Variants in CFAP46 observed in about 807,000 individuals in gnomAD.
CFAP46 encodes the protein cilia and flagella associated protein 46, also known as cilia- and flagella-associated protein 46.
In CFAP46, 245 loss-of-function variants were observed where a neutral mutation model predicts 325.7. The ratio of observed to expected loss-of-function variants is 0.75; its 90% CI spans 0.68 to 0.84. The LOEUF (loss-of-function observed/expected upper bound fraction) is 0.84. Ranked by LOEUF, CFAP46 falls within the 40% of genes least tolerant of loss-of-function variation. CFAP46 has a pLI of 0.00. For missense variants in CFAP46, 3,346 were observed against 3,543.0 expected (o/e 0.94, Z 1.41); for synonymous variants, 1,523 against 1,495.9 (o/e 1.02, Z -0.42).
rs1444998949 is a variant in CFAP46 at position 132,877,966 on chromosome 10, T to C, written c.4127A>G (p.Glu1376Gly). The change falls in exon 30 of 58, where the codon GAG becomes GGG. Residue 1376 changes from glutamate to glycine, a missense_variant. Coordinates refer to ENST00000368586, the MANE Select transcript of CFAP46 (RefSeq NM_001200049.3). The surrounding 1 kb of genome is among the most constrained non-coding windows in gnomAD (Gnocchi z 5.7). ...ENERSKEKEK[E>G]RSKEKENERS... Reference sequence around the variant, plus strand: ...CTCATTCTCCTTCTCTTTACTCCTCTCCTTCTCCTTCTCTTTACTCCTCTC... The same window carrying C: ...CTCATTCTCCTTCTCTTTACTCCTCCCCTTCTCCTTCTCTTTACTCCTCTC... 1.4e-5 allele frequency: 22 copies of C among 1,549,370 alleles called. No individual in the cohort carries two copies. The highest frequency in any genetic ancestry group is 1.8e-5 in the Non-Finnish European group (21 of 1,146,940).
intron 7 of CFAP46, among the ~76,000 whole-genome samples, chr10:132,935,688 A>AT (rs796397533): frequency 6.8e-5 from 7 of 102,728 alleles, no homozygotes; most frequent in African/African-American, 1.7e-4. Flanking sequence ...CACTCCCCTC[A>AT]CATCCAAACA....
At chr10:132,836,290 G>A (rs1848246757) in intron 45 of CFAP46, 72 bp from the exon 46 acceptor site, 7 of 1,442,468 alleles carry the variant, frequency 4.9e-6, no homozygotes, top group South Asian at 4.6e-5. Flanking sequence ...CAGCTCCAGC[G>A]ACCTCAGAGG....
At chr10:132,870,671 C>T (rs941656882) in intron 32 of CFAP46, among the ~76,000 whole-genome samples, 6 of 152,296 alleles carry the variant, frequency 3.9e-5, no homozygotes, top group South Asian at 2.1e-4. Context: ...ATCCCATGAA[C>T]GCTGGGAGAC....
rs576340354 is a variant in CFAP46, at chr10:132,891,962, C to A, written c.3304+371G>T. ...CCTGTTCCCCTAAAATGTACAAAAT[C>A]AAGCTATAAACCAACGACCTTGGGC... On this transcript the variant is annotated intron_variant, in intron 25 of 57. Coordinates refer to ENST00000368586, the MANE Select transcript of CFAP46 (RefSeq NM_001200049.3). Among the ~76,000 whole-genome samples the A allele has an allele frequency of 2.0e-5, 3 of 152,292 alleles. No homozygotes were observed. The East Asian group carries it at 5.8e-4, about 29-fold the overall frequency.
At chr10:132,846,017 A>C (rs374704193) in intron 44 of CFAP46, 40 bp downstream of exon 44, 4 of 1,578,322 alleles carry the variant, frequency 2.5e-6, no homozygotes, top group Non-Finnish European at 3.4e-6. Flanking sequence ...ACAGAGCTCC[A>C]GAGCTGGGGG....
In CFAP46 at chr10:132,912,719, C is replaced by A; in HGVS notation, c.2435G>T (p.Arg812Leu). 1 of 1,550,250 alleles carries A rather than the reference C, an allele frequency of 6.5e-7. No individual in the cohort carries two copies. Among genetic ancestry groups the A allele is most frequent in the South Asian group, 1.2e-5 (1 of 84,056 alleles). The change falls in exon 19 of 58, where the codon CGA becomes CTA. Residue 812 changes from arginine to leucine, a missense_variant. Transcript: ENST00000368586. The stretch of plus-strand genomic sequence containing the variant: ...CAGTGGGCTGTGAAACGCGTTTGGT[C>A]GCATGAATTTCCTGGACTTCTCGGC... ...QAAEKSRKFM[R>L]PNAFHSPLDA...
chr10:132,871,217 T>C (rs1047154458), intron 32 of CFAP46, among the ~76,000 whole-genome samples: 6 of 152,232 alleles, frequency 3.9e-5, no homozygotes, highest in African/African-American at 9.6e-5. Context: ...GTACTGCTCA[T>C]TGGCAATGCT....
Position 132,834,111 on chromosome 10 carries a change from A to G in CFAP46, c.6879T>C (p.Pro2293=). 1 of 1,614,064 alleles carries G rather than the reference A, an allele frequency of 6.2e-7. No individual in the cohort carries two copies. The highest frequency in any genetic ancestry group is 8.5e-7 in the Non-Finnish European group (1 of 1,179,966). The stretch of plus-strand genomic sequence containing the variant: ...ACTTCCCTGAATCGGCAACAACCGC[A>G]GGTGTCTGCACTCTGAAAGTCAGGT... The part of the protein sequence containing the change: ...LSLSKARVQT[P]AVVADSGKSK... Residue 2293 remains proline (P), a synonymous_variant, in exon 49 of 58, where the codon CCT becomes CCC. Coordinates refer to ENST00000368586, the MANE Select transcript of CFAP46 (RefSeq NM_001200049.3).
intron 50 of CFAP46, among the ~76,000 whole-genome samples, chr10:132,830,679 T>C (rs1235264866): frequency 2.0e-5 from 3 of 152,180 alleles, no homozygotes; most frequent in Non-Finnish European, 4.4e-5. Flanking sequence ...ATTGATAATT[T>C]TGTGTCTCTC....
chr10:132,814,048 C>G, intron 54 of CFAP46, 104 bp downstream of exon 54: 1 of 806,604 alleles, frequency 1.2e-6, no homozygotes, highest in Non-Finnish European at 2.1e-6. Context: ...TGTGGCAGGA[C>G]TGGCAGGGCA....
At chr10:132,815,012 T>G in intron 50 of CFAP46, 98 bp from the exon 51 acceptor site, 1 of 1,064,666 alleles carries the variant, frequency 9.4e-7, no homozygotes, top group Non-Finnish European at 1.4e-6. Context: ...AAATTTCACT[T>G]AAATGAAAAA....
chr10:132,837,457 G>A (rs1200256843), intron 44 of CFAP46, among the ~76,000 whole-genome samples: 3 of 143,598 alleles, frequency 2.1e-5, no homozygotes, highest in Admixed American at 6.8e-5. Flanking sequence ...ACGTGCTCAC[G>A]CGGACATGCA....
At chr10:132,906,300 G>GGGGTGCTTATAGA (rs1165455756) in intron 22 of CFAP46, among the ~76,000 whole-genome samples, 1 of 152,234 alleles carries the variant, frequency 6.6e-6, no homozygotes, top group African/African-American at 2.4e-5. Context: ...TGCCAAGGCA[G>GGGGTGCTTATAGA]TGCTTATAGC....
rs752743555 is a variant in CFAP46, at chr10:132,810,497, A to C, written c.7584-8T>G. 6.2e-7 allele frequency: 1 copy of C among 1,612,724 alleles called. No individual in the cohort carries two copies. The highest frequency in any genetic ancestry group is 1.3e-5 in the African/African-American group (1 of 74,886). ...TCCCAACGGCCAACAGATCTAGGGG[A>C]GAAACGTCCCCTCAGGAGGGCATGG... On this transcript the variant is annotated splice_polypyrimidine_tract_variant and splice_region_variant and intron_variant, in intron 56 of 57. Coordinates refer to ENST00000368586, the MANE Select transcript of CFAP46 (RefSeq NM_001200049.3).
chr10:132,892,257 C>T, intron 25 of CFAP46, 76 bp downstream of exon 25: 1 of 1,371,094 alleles, frequency 7.3e-7, no homozygotes, highest in East Asian at 2.5e-5. Flanking sequence ...TTTAAAAGCA[C>T]CACGTTTAAA....
chr10:132,851,605 G>T (rs954844606), intron 39 of CFAP46, among the ~76,000 whole-genome samples: 1 of 152,232 alleles, frequency 6.6e-6, no homozygotes, highest in Non-Finnish European at 1.5e-5. Context: ...TACCTAAGTG[G>T]AGGCGCACAG....
At chr10:132,878,913 C>G (rs1388714566) in intron 29 of CFAP46, among the ~76,000 whole-genome samples, 1 of 152,174 alleles carries the variant, frequency 6.6e-6, no homozygotes, top group Non-Finnish European at 1.5e-5. Context: ...GACAGCTGCT[C>G]CTGGTGGGCT....
chr10:132,862,082 GGCAGGGCCTGGGCCCATA>G (rs946765119), intron 35 of CFAP46, among the ~76,000 whole-genome samples: 2 of 152,252 alleles, frequency 1.3e-5, no homozygotes, highest in African/African-American at 4.8e-5. Context: ...AGACGGCGTA[GGCAGGGCCTGGGCCCATA>G]GCAGCCTCGT....
At chr10:132,881,245 G>A (rs924002380) in intron 27 of CFAP46, among the ~76,000 whole-genome samples, 3 of 152,116 alleles carry the variant, frequency 2.0e-5, no homozygotes, top group Non-Finnish European at 2.9e-5. Flanking sequence ...AAGCAGAGGT[G>A]GGAAGGCTGC....
Sources: gnomAD v4.1 joint callset for allele counts (sites outside exome capture counted in the v4.1 genomes callset) on GRCh38, gnomAD v4.1.1 for gene constraint, Gnocchi (gnomAD v3.1) non-coding constraint, MANE v1.5 for transcripts, NCBI Gene and HGNC (gene_info 2026-07-23, HGNC 2026-07-21) for gene names.